Variants in VIT observed in about 807,000 individuals in gnomAD.
VIT encodes vitrin.
A neutral mutation model predicts 78.0 loss-of-function variants in VIT; 99 were observed. The ratio of observed to expected loss-of-function variants is 1.27; its 90% CI spans 1.08 to 1.50. The LOEUF (loss-of-function observed/expected upper bound fraction) is 1.50, where lower values mean the gene tolerates loss of function less well. VIT is among the 40% of genes most tolerant of loss of function. VIT has a pLI of 0.00. For missense variants in VIT, 1,126 were observed against 875.3 expected (o/e 1.29, Z -3.61); for synonymous variants, 374 against 334.3 (o/e 1.12, Z -1.29).
At chr2:36,756,561 C>T (rs1267733044) in intron 5 of VIT, among the ~76,000 whole-genome samples, 1 of 152,186 alleles carries the variant, frequency 6.6e-6, no homozygotes, top group African/African-American at 2.4e-5. Context: ...AGCAGGACAA[C>T]AAACAGACCT....
At chr2:36,791,678 C>G (rs1379930751) in intron 12 of VIT, among the ~76,000 whole-genome samples, 2 of 152,160 alleles carry the variant, frequency 1.3e-5, no homozygotes, top group Non-Finnish European at 2.9e-5. Context: ...GGGACATGAG[C>G]AAGAAGTGCA....
intron 4 of VIT, among the ~76,000 whole-genome samples, chr2:36,753,677 T>C (rs1668599465): frequency 6.6e-6 from 1 of 152,118 alleles, no homozygotes; most frequent in African/African-American, 2.4e-5. Flanking sequence ...AATCAGGTCT[T>C]CTGGGGTGAA....
At chr2:36,719,318 A>G (rs1270239362) in intron 2 of VIT, among the ~76,000 whole-genome samples, 2 of 152,238 alleles carry the variant, frequency 1.3e-5, no homozygotes, top group Admixed American at 6.5e-5. Context: ...TGTTCAGCAT[A>G]GTACTGGAAG....
intron 2 of VIT, among the ~76,000 whole-genome samples, chr2:36,718,184 C>T (rs910044065): frequency 1.3e-5 from 2 of 152,118 alleles, no homozygotes; most frequent in Admixed American, 6.5e-5. Flanking sequence ...TTCTAAGATA[C>T]GGGGGCTCAG....
At chr2:36,745,660 A>T (rs2148523389) in intron 4 of VIT, among the ~76,000 whole-genome samples, 1 of 152,280 alleles carries the variant, frequency 6.6e-6, no homozygotes, top group East Asian at 1.9e-4. Context: ...TCGGTTTTGT[A>T]TTCGGAAAAT....
chr2:36,805,468 T>A lies in VIT; in HGVS notation c.1193T>A (p.Phe398Tyr). Residue 398 changes from phenylalanine (F) to tyrosine (Y), a missense_variant, in exon 14 of 16, where the codon TTC becomes TAC. Transcript: ENST00000379242. ...GRAISFVTKNFFSKANGNRSG... is the reference protein window; with the variant it reads ...GRAISFVTKNYFSKANGNRSG... ...GCCATCTCCTTTGTGACCAAGAACT[T>A]CTTTTCCAAAGCCAATGGAAACAGA... 6.2e-7 allele frequency: 1 copy of A among 1,613,212 alleles called. No individual in the cohort carries two copies. The highest frequency in any genetic ancestry group is 8.5e-7 in the Non-Finnish European group (1 of 1,179,558).
intron 15 of VIT, among the ~76,000 whole-genome samples, chr2:36,812,092 A>G (rs1027756413): frequency 2.6e-5 from 4 of 152,180 alleles, no homozygotes; most frequent in African/African-American, 9.7e-5. Flanking sequence ...AGCTGCTCTC[A>G]CTGACACCTG....
chr2:36,814,352 T>C lies in VIT; in HGVS notation c.2073T>C (p.Pro691=), dbSNP rs2148695684. The change falls in exon 16 of 16, where the codon CCT becomes CCC. Residue 691 remains proline, a synonymous_variant. Coordinates refer to ENST00000379242, the MANE Select transcript of VIT (RefSeq NM_053276.4). ...TTTGTACAGAGTTCAACTCACAGCCTCGGAACTGAATTCAGAGCAGGCAGA... is the reference window on the plus strand; with the variant it reads ...TTTGTACAGAGTTCAACTCACAGCCCCGGAACTGAATTCAGAGCAGGCAGA... ...QNICTEFNSQ[P]RN 6.2e-7 allele frequency: 1 copy of C among 1,614,114 alleles called. No individual in the cohort carries two copies. The highest frequency in any genetic ancestry group is 2.2e-5 in the East Asian group (1 of 44,880).
At position 36,807,091 on chromosome 2, in the gene VIT, C is replaced by G. The variant is rs574532043; in HGVS notation, c.1390-1381C>G. ...GCTCCCACATCACAGATCTCTCTCC[C>G]TCCTCTTTCCCTCGCCTGACGCCCC... On this transcript the variant is annotated intron_variant, in intron 14 of 15. Coordinates refer to ENST00000379242, the MANE Select transcript of VIT (RefSeq NM_053276.4). Among the ~76,000 whole-genome samples, 5 of 152,300 alleles carry G rather than the reference C, an allele frequency of 3.3e-5. No homozygotes were observed. In the East Asian group the frequency reaches 9.7e-4, roughly 29 times the overall value.
rs1665447454 is a variant in VIT at position 36,706,680 on chromosome 2, A to G, written c.-18-9673A>G. On this transcript the variant is annotated intron_variant, in intron 1 of 15. Coordinates refer to ENST00000379242, the MANE Select transcript of VIT (RefSeq NM_053276.4). ...TGGCTTCAGTTTCTTTTTTTGCTAG[A>G]TCACAAGCTTTTGACCAGCTGAGTC... Among the ~76,000 whole-genome samples the G allele has an allele frequency of 2.0e-5, 3 of 152,270 alleles. No homozygotes were observed. In the South Asian group the frequency reaches 6.2e-4, roughly 32 times the overall value.
chr2:36,777,899 C>T (rs978087258), intron 9 of VIT, among the ~76,000 whole-genome samples: 10 of 152,126 alleles, frequency 6.6e-5, no homozygotes, highest in Non-Finnish European at 1.3e-4. Context: ...CCGAATCCTG[C>T]GATCCGCACT....
At chr2:36,769,607 A>G (rs980516462) in intron 7 of VIT, among the ~76,000 whole-genome samples, 5 of 152,244 alleles carry the variant, frequency 3.3e-5, no homozygotes, top group African/African-American at 1.2e-4. Context: ...GCCTATTCAA[A>G]GGAGTTTCTG....
intron 3 of VIT, among the ~76,000 whole-genome samples, chr2:36,738,789 G>A (rs1667661119): frequency 4.6e-5 from 7 of 152,222 alleles, no homozygotes; most frequent in Admixed American, 4.6e-4. Context: ...GCAAGTATTG[G>A]CAAGCCTAGA....
chr2:36,760,776 G>C (rs1669069162), intron 6 of VIT, among the ~76,000 whole-genome samples: 1 of 152,198 alleles, frequency 6.6e-6, no homozygotes, highest in South Asian at 2.1e-4. Context: ...CTTTCTCCAA[G>C]GTAGATACGG....
intron 6 of VIT, among the ~76,000 whole-genome samples, chr2:36,762,225 A>G (rs1005282660): frequency 6.6e-6 from 1 of 152,206 alleles, no homozygotes; most frequent in Non-Finnish European, 1.5e-5. Context: ...TGGATAGCCA[A>G]GGGTGCTTTT....
chr2:36,776,829 A>G lies in VIT; in HGVS notation c.802+1762A>G, dbSNP rs1025621808. ...AAAATGGCCTGGCGCGGTGGCTCACACCTGTATCCCAGCACTTTGGGAGGC... is the reference window on the plus strand; with the variant it reads ...AAAATGGCCTGGCGCGGTGGCTCACGCCTGTATCCCAGCACTTTGGGAGGC... On this transcript the variant is annotated intron_variant, in intron 9 of 15. Transcript: ENST00000379242. Among the ~76,000 whole-genome samples, 186 of 150,188 alleles carry G rather than the reference A, an allele frequency of 1.2e-3. 1 individual carries two copies. The highest frequency in any genetic ancestry group is 2.1e-3 in the Non-Finnish European group (145 of 67,484).
At chr2:36,800,046 C>CAAAA (rs754185532) in intron 12 of VIT, among the ~76,000 whole-genome samples, 68 of 89,372 alleles carry the variant, frequency 7.6e-4, no homozygotes, top group African/African-American at 2.1e-3. Flanking sequence ...GACTCCGTCT[C>CAAAA]AAAAAAAAAA....
chr2:36,787,329 A>AT, intron 12 of VIT, 53 bp downstream of exon 12: 1 of 1,574,614 alleles, frequency 6.4e-7, no homozygotes, highest in East Asian at 2.3e-5. Flanking sequence ...CATGTGCTTA[A>AT]TTTTATGCCA....
At chr2:36,813,058 A>T (rs1198696646) in intron 15 of VIT, among the ~76,000 whole-genome samples, 1 of 143,542 alleles carries the variant, frequency 7.0e-6, no homozygotes, top group Non-Finnish European at 1.5e-5. Flanking sequence ...AAAAAAAAAT[A>T]GGATTTTTTG....
Sources: allele counts gnomAD v4.1 joint callset (sites outside exome capture counted in the v4.1 genomes callset), GRCh38; gene constraint gnomAD v4.1.1; transcripts MANE v1.5; gene names NCBI Gene and HGNC (gene_info 2026-07-23, HGNC 2026-07-21).